The following KBTBD8 variants were observed in gnomAD, a reference collection of about 807,000 sequenced individuals.
The protein encoded by KBTBD8 is kelch repeat and BTB domain containing 8, also known as kelch repeat and BTB domain-containing protein 8.
KBTBD8 carries 31 observed loss-of-function variants against 53.5 expected under a neutral mutation model. The observed-to-expected ratio is 0.58, with a 90% confidence interval of 0.44 to 0.78. The LOEUF is 0.78. Ranked by LOEUF, KBTBD8 falls within the 30% of genes least tolerant of loss-of-function variation. The pLI, the probability that KBTBD8 is intolerant of heterozygous loss-of-function variation, is 0.00. For missense variants in KBTBD8, 642 were observed against 735.8 expected (o/e 0.87, Z 1.48); for synonymous variants, 250 against 247.3 (o/e 1.01, Z -0.10).
At chr3:67,007,227 T>G (rs1366421566) in intron 3 of KBTBD8, among the ~76,000 whole-genome samples, 1 of 152,208 alleles carries the variant, frequency 6.6e-6, no homozygotes, top group African/African-American at 2.4e-5. Flanking sequence ...TCTTACTGGC[T>G]GAACGTTACT....
Position 67,003,125 on chromosome 3 carries a change from T to C in KBTBD8, c.228-70T>C, listed in dbSNP as rs989053892. ...GGTTATCTTTGTGGTAACTTTGTAC[T>C]TTTAAAATCTTGCCACAATAATTTT... On this transcript the variant is annotated intron_variant, in intron 2 of 3. Coordinates refer to ENST00000417314, the MANE Select transcript of KBTBD8 (RefSeq NM_032505.3). The C allele has an allele frequency of 3.4e-6, 5 of 1,461,246 alleles. No homozygotes were observed. The African/African-American group carries it at 7.0e-5, about 21-fold the overall frequency. The allele number at this position is 1,461,246 out of a possible 1,614,324, so 90.5% of individuals were successfully genotyped here.
At chr3:67,000,647 C>G (rs1191716176) in intron 2 of KBTBD8, among the ~76,000 whole-genome samples, 1 of 152,060 alleles carries the variant, frequency 6.6e-6, no homozygotes, top group Non-Finnish European at 1.5e-5. Flanking sequence ...CCATATGACT[C>G]TTAAGGAACA....
In KBTBD8 at chr3:66,998,991, GTCTTCCCCAACACCGAATGGGATTCCA is replaced by G. The variant is rs552167639; in HGVS notation, c.33_59del (p.Pro12_Ser20del). The G allele has an allele frequency of 9.1e-5, 146 of 1,604,422 alleles. No individual in the cohort carries two copies. In the Admixed American group the frequency reaches 1.7e-3, roughly 19 times the overall value. ...TTTTTCTCCTCCTAGATTTAAGTAA[GTCTTCCCCAACACCGAATGGGATTCCA>G]TCTTCAGACCCAGCCAGCGATGCCA... On this transcript the variant is annotated inframe_deletion, in exon 2 of 4. Coordinates refer to ENST00000417314, the MANE Select transcript of KBTBD8 (RefSeq NM_032505.3).
At position 67,008,140 on chromosome 3, in the gene KBTBD8, A is replaced by C; in HGVS notation, c.1561A>C (p.Ile521Leu). 6.2e-7 allele frequency: 1 copy of C among 1,614,170 alleles called. No homozygotes were observed. Among genetic ancestry groups the C allele is most frequent in the Non-Finnish European group, 8.5e-7 (1 of 1,180,006 alleles). ...RKKDFPCDQS[I>L]NPYLKLVLFQ... is the part of the protein sequence containing the mutation. ...GAAAGACTTTCCATGTGATCAGTCCATAAATCCATACCTTAAACTGGTACT... is the reference window on the plus strand; with the variant it reads ...GAAAGACTTTCCATGTGATCAGTCCCTAAATCCATACCTTAAACTGGTACT... Residue 521 changes from isoleucine to leucine, a missense_variant, in exon 4 of 4, where the codon ATA becomes CTA. Physicochemically the swap from Ile to Leu is conservative, Grantham distance 5 (BLOSUM62 2). Transcript: ENST00000417314.
chr3:67,008,528 G>A lies in KBTBD8; in HGVS notation c.*143G>A. ...GTATGCTTAAAGATTGCAGGGTAGG[G>A]AGGGATTTTCCTTCATCCTTGTGAC... On this transcript the variant is annotated 3_prime_UTR_variant, in exon 4 of 4. Coordinates refer to ENST00000417314, the MANE Select transcript of KBTBD8 (RefSeq NM_032505.3). The A allele has an allele frequency of 1.8e-6, 1 of 565,970 alleles. No individual in the cohort carries two copies. Among genetic ancestry groups the A allele is most frequent in the South Asian group, 3.1e-5 (1 of 32,588 alleles). The allele number at this position is 565,970 out of a possible 1,614,324, so 35.1% of individuals were successfully genotyped here. A position where few individuals can be genotyped will look rare whatever the true frequency, so the allele number is the denominator to read the frequency against.
intron 2 of KBTBD8, 105 bp from the exon 3 acceptor site, chr3:67,003,090 T>G (rs2106757375): frequency 8.7e-7 from 1 of 1,154,380 alleles, no homozygotes; most frequent in Non-Finnish European, 1.2e-6. Context: ...GGAAATATTC[T>G]GTTTCAAAAG....
In KBTBD8 at chr3:67,003,191, T is replaced by G. The variant is rs769389479; in HGVS notation, c.228-4T>G. 4.8e-5 allele frequency: 77 copies of G among 1,608,942 alleles called. No homozygotes were observed. The highest frequency in any genetic ancestry group is 6.4e-5 in the Non-Finnish European group (75 of 1,175,674). On this transcript the variant is annotated splice_polypyrimidine_tract_variant and splice_region_variant and intron_variant, in intron 2 of 3. Transcript: ENST00000417314. The stretch of plus-strand genomic sequence containing the variant: ...TGTAATATTAACCACTCTTTCCTTC[T>G]TAGATCCATGTTCACTAGCGGCCTT...
chr3:67,007,874 C>A, intron 3 of KBTBD8, 48 bp from the exon 4 acceptor site: 1 of 1,169,822 alleles, frequency 8.5e-7, no homozygotes, highest in Admixed American at 2.4e-5. Flanking sequence ...TAACCAAAAA[C>A]CAAACATAAA....
intron 2 of KBTBD8, among the ~76,000 whole-genome samples, chr3:67,000,443 C>T (rs530513467): frequency 6.6e-6 from 1 of 152,298 alleles, no homozygotes; most frequent in East Asian, 1.9e-4. Context: ...TTATCAAGCT[C>T]TAGGCTAAGC....
Position 67,010,153 on chromosome 3 carries a change from C to T in KBTBD8, c.*1768C>T, listed in dbSNP as rs2106765078. The T allele has an allele frequency of 6.6e-6, 1 of 152,586 alleles. No homozygotes were observed. The highest frequency in any genetic ancestry group is 1.9e-4 in the East Asian group (1 of 5,190). 9.5% of individuals were successfully genotyped at this position (152,586 alleles called of 1,614,324 possible). A position where few individuals can be genotyped will look rare whatever the true frequency, so the allele number is the denominator to read the frequency against. ...AAACTTTGTCAACATTTTTACCTCC[C>T]CAGTTTTATCTTCTGTTTTGTTTTT... On this transcript the variant is annotated 3_prime_UTR_variant, in exon 4 of 4. Transcript: ENST00000417314.
Position 67,004,268 on chromosome 3 carries a change from A to G in KBTBD8, c.1301A>G (p.His434Arg). The G allele has an allele frequency of 6.2e-7, 1 of 1,614,230 alleles. No homozygotes were observed. The highest frequency in any genetic ancestry group is 8.5e-7 in the Non-Finnish European group (1 of 1,180,026). ...GCGATGCCAGTTGCAATGGAATTTCATAATGCTGTGGAGTACAAAGAGAAG... is the reference window on the plus strand; with the variant it reads ...GCGATGCCAGTTGCAATGGAATTTCGTAATGCTGTGGAGTACAAAGAGAAG... ...VCAMPVAMEF[H>R]NAVEYKEKIY... Residue 434 changes from histidine (H) to arginine (R), a missense_variant, in exon 3 of 4, where the codon CAT (histidine) becomes CGT (arginine). Physicochemically the swap from His to Arg is conservative, Grantham distance 29. Transcript: ENST00000417314.
chr3:67,004,128 T>C lies in KBTBD8; in HGVS notation c.1161T>C (p.Tyr387=). Residue 387 remains tyrosine (Y), a synonymous_variant, in exon 3 of 4, where the codon TAT becomes TAC. Transcript: ENST00000417314. ...LRARIGCKLV[Y]CCGKMYAIGG... is the part of the protein sequence containing the mutation. ...CCAGAATAGGCTGCAAACTTGTCTA[T>C]TGCTGTGGTAAAATGTATGCAATCG... 1.2e-6 allele frequency: 2 copies of C among 1,614,204 alleles called. No individual in the cohort carries two copies. Among genetic ancestry groups the C allele is most frequent in the Non-Finnish European group, 1.7e-6 (2 of 1,180,044 alleles).
intron 1 of KBTBD8, 92 bp downstream of exon 1, chr3:66,998,463 G>C: frequency 2.9e-6 from 3 of 1,019,022 alleles, no homozygotes; most frequent in Non-Finnish European, 3.9e-6. Flanking sequence ...GGACGTAGCG[G>C]TGCGGAGCTA....
chr3:67,008,382 C>T lies in KBTBD8; in HGVS notation c.1803C>T (p.Leu601=), dbSNP rs778369680. The T allele has an allele frequency of 1.3e-6, 2 of 1,597,732 alleles. No homozygotes were observed. Among genetic ancestry groups the T allele is most frequent in the South Asian group, 2.2e-5 (2 of 90,498 alleles). ...KLYPQCLQKV[L] is the part of the protein sequence containing the mutation. Reference sequence around the variant, plus strand: ...ATCCTCAGTGTCTTCAGAAAGTACTCTAAATGAGTAGCAGGCCTTAGTGCA... The same window carrying T: ...ATCCTCAGTGTCTTCAGAAAGTACTTTAAATGAGTAGCAGGCCTTAGTGCA... The change falls in exon 4 of 4, where the codon CTC becomes CTT. Residue 601 remains leucine, a synonymous_variant. Coordinates refer to ENST00000417314, the MANE Select transcript of KBTBD8 (RefSeq NM_032505.3).
At position 67,011,205 on chromosome 3, in the gene KBTBD8, T is replaced by C. The variant is rs2106766150; in HGVS notation, c.*2820T>C. ...TTCTTATAATAAAACCTTTTCTGAT[T>C]GAAAACTTCCAGTGTTGCAAAGTGA... On this transcript the variant is annotated 3_prime_UTR_variant, in exon 4 of 4. Transcript: ENST00000417314. 1.3e-5 allele frequency: 2 copies of C among 152,726 alleles called. 1 individual carries two copies. The highest frequency in any genetic ancestry group is 4.1e-4 in the South Asian group (2 of 4,820). 9.5% of individuals were successfully genotyped at this position (152,726 alleles called of 1,614,324 possible).
chr3:66,998,698 T>A (rs1384841565), intron 1 of KBTBD8, among the ~76,000 whole-genome samples: 1 of 151,976 alleles, frequency 6.6e-6, no homozygotes, highest in Non-Finnish European at 1.5e-5. Flanking sequence ...CGCAGACGCC[T>A]CTCCTGGGCT....
intron 3 of KBTBD8, among the ~76,000 whole-genome samples, chr3:67,006,594 C>G (rs1026280940): frequency 1.3e-5 from 2 of 152,098 alleles, no homozygotes; most frequent in East Asian, 3.8e-4. Context: ...AGATGATGTG[C>G]GAGCAAATCT....
rs1326486540 is a variant in KBTBD8 at position 67,009,715 on chromosome 3, G to T, written c.*1330G>T. The T allele has an allele frequency of 6.6e-6, 1 of 152,566 alleles. No homozygotes were observed. Among genetic ancestry groups the T allele is most frequent in the Non-Finnish European group, 1.5e-5 (1 of 68,002 alleles). 9.5% of individuals were successfully genotyped at this position (152,566 alleles called of 1,614,324 possible). A position where few individuals can be genotyped will look rare whatever the true frequency, so the allele number is the denominator to read the frequency against. ...AATCATCAGTTAGGAATATTAACAT[G>T]AAGGATAAACCAACTTATTTGTATA... On this transcript the variant is annotated 3_prime_UTR_variant, in exon 4 of 4. Coordinates refer to ENST00000417314, the MANE Select transcript of KBTBD8 (RefSeq NM_032505.3).
Position 66,999,746 on chromosome 3 carries a change from C to G in KBTBD8, c.227+555C>G, listed in dbSNP as rs1702000009. Among the ~76,000 whole-genome samples the G allele has an allele frequency of 2.6e-5, 4 of 152,228 alleles. No individual in the cohort carries two copies. In the South Asian group the frequency reaches 8.3e-4, roughly 32 times the overall value. On this transcript the variant is annotated intron_variant, in intron 2 of 3. Coordinates refer to ENST00000417314, the MANE Select transcript of KBTBD8 (RefSeq NM_032505.3). ...ATAGTTTAAAACATGTAGCATGTTC[C>G]TTCAAAAACAAATTACCACTCAATA...
Sources: gnomAD v4.1 joint callset for allele counts (sites outside exome capture counted in the v4.1 genomes callset) on GRCh38, gnomAD v4.1.1 for gene constraint, MANE v1.5 for transcripts, NCBI Gene and HGNC (gene_info 2026-07-23, HGNC 2026-07-21) for gene names.